Variants in LRRC74B observed in about 807,000 individuals in gnomAD.
LRRC74B encodes leucine-rich repeat-containing protein 74B.
A neutral mutation model predicts 16.6 loss-of-function variants in LRRC74B; 30 were observed. The ratio of observed to expected loss-of-function variants is 1.80; its 90% CI spans 1.35 to 2.45. The LOEUF is 2.45. Ranked by LOEUF, LRRC74B falls within the 30% of genes most tolerant of loss-of-function variation. The pLI is 0.00. For missense variants in LRRC74B, 326 were observed against 202.4 expected (o/e 1.61, Z -3.71); for synonymous variants, 134 against 86.0 (o/e 1.56, Z -3.09).
At chr22:21,063,045 A>G (rs953337635), downstream of LRRC74B, 2 of 151,632 alleles carry the variant, frequency 1.3e-5, no homozygotes, top group Admixed American at 6.6e-5. Flanking sequence ...AAAAAAAAAA[A>G]AGAATGGAAG....
At chr22:21,062,867 A>T (rs557258598), downstream of LRRC74B, 1 of 152,108 alleles carries the variant, frequency 6.6e-6, no homozygotes, top group African/African-American at 2.4e-5. Flanking sequence ...CGTTTCTACA[A>T]AAAACATTTA....
At chr22:21,057,329 A>G (rs1350140146) in intron 8 of LRRC74B, 129 bp downstream of exon 8, 4 of 619,852 alleles carry the variant, frequency 6.5e-6, no homozygotes, top group African/African-American at 3.7e-5. Flanking sequence ...TGGCAGAAGC[A>G]GAGTTGCAAC....
chr22:21,055,266 G>A, intron 7 of LRRC74B, 90 bp downstream of exon 7: 4 of 671,206 alleles, frequency 6.0e-6, no homozygotes, highest in South Asian at 4.7e-5. Flanking sequence ...CCACCCAGGG[G>A]CAGCAGGCAG....
chr22:21,049,768 C>T (rs911681874), intron 4 of LRRC74B, among the ~76,000 whole-genome samples: 1 of 152,030 alleles, frequency 6.6e-6, no homozygotes, highest in South Asian at 2.1e-4. Flanking sequence ...GTGGCAAAAA[C>T]GGTGAAGATT....
downstream of LRRC74B, chr22:21,060,662 G>A (rs1483323978): frequency 1.7e-5 from 10 of 598,404 alleles, no homozygotes; most frequent in Admixed American, 3.0e-5. Context: ...AAGTCCACAC[G>A]GTGCTCACAC....
intron 8 of LRRC74B, among the ~76,000 whole-genome samples, chr22:21,059,040 G>A (rs1263676455): frequency 1.3e-5 from 2 of 152,190 alleles, no homozygotes; most frequent in Non-Finnish European, 2.9e-5. Flanking sequence ...ATCACCTGAG[G>A]TCAGGAGTTC....
intron 4 of LRRC74B, among the ~76,000 whole-genome samples, chr22:21,052,021 G>A (rs779324257): frequency 6.6e-6 from 1 of 152,016 alleles, no homozygotes; most frequent in African/African-American, 2.4e-5. Flanking sequence ...CCACCACTCT[G>A]TTCTCACGCC....
chr22:21,060,566 T>G, downstream of LRRC74B: 1 of 688,950 alleles, frequency 1.5e-6, no homozygotes, highest in Non-Finnish European at 2.7e-6. Context: ...ATCAGCTGCT[T>G]TGACCTCCAG....
chr22:21,057,242 G>A, intron 8 of LRRC74B, 42 bp downstream of exon 8: 1 of 706,852 alleles, frequency 1.4e-6, no homozygotes, highest in Middle Eastern at 2.3e-4. Flanking sequence ...CCTCCCAGCA[G>A]CCCTGTGAGG....
intron 8 of LRRC74B, among the ~76,000 whole-genome samples, chr22:21,058,631 T>C (rs929362805): frequency 6.6e-6 from 1 of 152,176 alleles, no homozygotes; most frequent in Non-Finnish European, 1.5e-5. Flanking sequence ...CTGTGTAGTT[T>C]CAATTCTTCA....
At chr22:21,064,077 G>A (rs1390194372), downstream of LRRC74B, 1 of 152,778 alleles carries the variant, frequency 6.5e-6, no homozygotes. Flanking sequence ...ATGCCCGGGG[G>A]CAATTGTTTA....
chr22:21,060,637 C>T (rs376766097), downstream of LRRC74B: 88 of 613,258 alleles, frequency 1.4e-4, no homozygotes, highest in East Asian at 9.9e-4. Context: ...TGAGTCCTCA[C>T]GTCAGCCGTG....
chr22:21,057,399 C>T (rs2876915), intron 8 of LRRC74B, among the ~76,000 whole-genome samples, 199 bp downstream of exon 8: 2 of 152,158 alleles, frequency 1.3e-5, no homozygotes, highest in Admixed American at 6.5e-5. Context: ...GCTGGTTCCA[C>T]GGGATCTCAC....
chr22:21,059,341 C>T (rs1386542343), intron 8 of LRRC74B, among the ~76,000 whole-genome samples: 2 of 152,154 alleles, frequency 1.3e-5, no homozygotes, highest in African/African-American at 4.8e-5. Flanking sequence ...TGCAGTGAGC[C>T]GAGATCGTGC....
chr22:21,062,389 TATC>T (rs772589773), downstream of LRRC74B: 8 of 152,106 alleles, frequency 5.3e-5, no homozygotes, highest in Non-Finnish European at 8.8e-5. Context: ...CTGCAAAAAA[TATC>T]ATACGGGTTG....
intron 7 of LRRC74B, 150 bp downstream of exon 7, chr22:21,055,326 C>G (rs998783431): frequency 2.1e-5 from 13 of 607,102 alleles, no homozygotes; most frequent in Non-Finnish European, 3.9e-5. Context: ...AATCTGGGGC[C>G]TGGCCCTCCT....
chr22:21,051,122 G>T (rs181338196), intron 4 of LRRC74B, among the ~76,000 whole-genome samples: 4 of 152,008 alleles, frequency 2.6e-5, no homozygotes, highest in Admixed American at 2.6e-4. Flanking sequence ...ACTGCACTCC[G>T]GGTTGGGCAA....
At chr22:21,063,046 A>AG (rs397819561), downstream of LRRC74B, 1 of 151,372 alleles carries the variant, frequency 6.6e-6, no homozygotes, top group East Asian at 1.9e-4. Context: ...AAAAAAAAAA[A>AG]GAATGGAAGG....
At chr22:21,047,441 T>C (rs750454182) in exon 2 of LRRC74B, 1 of 717,522 alleles carries the variant, frequency 1.4e-6, no homozygotes, top group Non-Finnish European at 2.6e-6. Context: ...TCTCCTGCTT[T>C]CTGCGCCAAG....
Sources: gnomAD v4.1 joint callset for allele counts (sites outside exome capture counted in the v4.1 genomes callset) on GRCh38, gnomAD v4.1.1 for gene constraint, MANE v1.5 for transcripts, NCBI Gene and HGNC (gene_info 2026-07-23, HGNC 2026-07-21) for gene names.